The following ZSCAN4 variants were observed in gnomAD, a reference collection of about 807,000 sequenced individuals.
ZSCAN4 encodes the protein zinc finger and SCAN domain-containing protein 4.
A neutral mutation model predicts 18.3 loss-of-function variants in ZSCAN4; 18 were observed. That is an observed-to-expected ratio of 0.98 (90% CI 0.68 to 1.46). ZSCAN4 has a LOEUF of 1.46. Among genes scored for constraint, ZSCAN4 ranks in the 40% most tolerant of loss-of-function variants. ZSCAN4 has a pLI of 0.00. For missense variants in ZSCAN4, 498 were observed against 511.4 expected (o/e 0.97, Z 0.25); for synonymous variants, 193 against 180.3 (o/e 1.07, Z -0.57).
upstream of ZSCAN4, among the ~76,000 whole-genome samples, chr19:57,667,709 C>A (rs1983892514): frequency 6.6e-6 from 1 of 152,134 alleles, no homozygotes; most frequent in African/African-American, 2.4e-5. Context: ...ATCCAATAAC[C>A]TCCTCCAAAC....
the ZSCAN4 span, among the ~76,000 whole-genome samples, chr19:57,651,734 G>A: frequency 5.1e-4 from 77 of 152,238 alleles, no homozygotes; most frequent in African/African-American, 1.7e-3. Flanking sequence ...GCTCATCCCA[G>A]GTGAATTCCC....
At chr19:57,663,790 G>A in the ZSCAN4 span, among the ~76,000 whole-genome samples, 1 of 148,766 alleles carries the variant, frequency 6.7e-6, no homozygotes, top group African/African-American at 2.5e-5. Context: ...TTTAAATTTT[G>A]ATTTGTTTAA....
chr19:57,672,621 G>C (rs1294919106), intron 2 of ZSCAN4, among the ~76,000 whole-genome samples: 1 of 89,016 alleles, frequency 1.1e-5, no homozygotes. Flanking sequence ...TTTTTTTTTT[G>C]AGACAGAATC....
the ZSCAN4 span, among the ~76,000 whole-genome samples, chr19:57,656,117 T>C: frequency 6.6e-6 from 1 of 152,120 alleles, no homozygotes; most frequent in African/African-American, 2.4e-5. Flanking sequence ...GCATAGTAAA[T>C]GGCAAACTGA....
chr19:57,664,611 T>C, upstream of ZSCAN4: 1 of 176,764 alleles, frequency 5.7e-6, no homozygotes, highest in Admixed American at 5.8e-5. Context: ...CGGCTTCATC[T>C]GACTCCAGGG....
Position 57,676,557 on chromosome 19 carries a change from T to A in ZSCAN4, c.396+16T>A. ...ACCTGCCTTAGTGAGTACAGGGTTC[T>A]AACTTCTGGGATGAGAGACAAAGGA... On this transcript the variant is annotated intron_variant, in intron 3 of 4. Coordinates refer to ENST00000318203, the Ensembl canonical transcript of ZSCAN4. The A allele has an allele frequency of 6.3e-7, 1 of 1,584,690 alleles. No homozygotes were observed. Among genetic ancestry groups the A allele is most frequent in the Non-Finnish European group, 8.6e-7 (1 of 1,166,542 alleles).
chr19:57,658,174 G>A, the ZSCAN4 span, among the ~76,000 whole-genome samples: 385 of 152,080 alleles, frequency 2.5e-3, 4 homozygotes, highest in African/African-American at 8.6e-3. Flanking sequence ...TGTCAAGGAG[G>A]GAAAAAAACA....
exon 5 of ZSCAN4, chr19:57,678,373 C>T: frequency 6.2e-7 from 1 of 1,614,076 alleles, no homozygotes. Flanking sequence ...CAGGAAGGGT[C>T]CATAAATGGA....
the ZSCAN4 span, among the ~76,000 whole-genome samples, chr19:57,657,874 C>G: frequency 6.6e-6 from 1 of 152,102 alleles, no homozygotes; most frequent in Non-Finnish European, 1.5e-5. Context: ...TCACCTAATA[C>G]AGTGTAAATG....
At chr19:57,675,501 C>T (rs1402959338) in intron 2 of ZSCAN4, among the ~76,000 whole-genome samples, 11 of 152,104 alleles carry the variant, frequency 7.2e-5, no homozygotes, top group African/African-American at 1.9e-4. Flanking sequence ...AGGCTAGTCT[C>T]GAACTCCTGA....
the ZSCAN4 span, among the ~76,000 whole-genome samples, chr19:57,659,298 G>T: frequency 6.6e-6 from 1 of 152,110 alleles, no homozygotes; most frequent in African/African-American, 2.4e-5. Flanking sequence ...TATCAACTAA[G>T]TCTAAGTTCC....
chr19:57,675,439 C>T (rs1318667531), intron 2 of ZSCAN4, among the ~76,000 whole-genome samples: 2 of 152,042 alleles, frequency 1.3e-5, no homozygotes, highest in Non-Finnish European at 2.9e-5. Context: ...TGAGCAACCA[C>T]ACCCGGCAAG....
chr19:57,673,037 A>T (rs1984069936), intron 2 of ZSCAN4, among the ~76,000 whole-genome samples: 1 of 151,862 alleles, frequency 6.6e-6, no homozygotes, highest in Admixed American at 6.6e-5. Context: ...GGTGACATTT[A>T]ATTAATTAAT....
intron 2 of ZSCAN4, among the ~76,000 whole-genome samples, chr19:57,671,715 C>T (rs182545584): frequency 2.2e-4 from 33 of 152,246 alleles, no homozygotes; most frequent in Admixed American, 2.1e-3. Context: ...TGACTGGAAG[C>T]ATTATGACAA....
Position 57,676,368 on chromosome 19 carries a change from C to T in ZSCAN4, c.223C>T (p.Pro75Ser), listed in dbSNP as rs1220444308. 3.1e-6 allele frequency: 5 copies of T among 1,614,010 alleles called. No individual in the cohort carries two copies. In the African/African-American group the frequency reaches 6.7e-5, roughly 22 times the overall value. Residue 75 changes from proline to serine, a missense_variant, in exon 3 of 5, where the codon CCA (proline) becomes TCA (serine). By Grantham distance (74) the Pro-to-Ser change is moderately conservative. Transcript: ENST00000318203. ...TAGGATCTTTCACTCATGGCTGCAACCAGAAAAGCACAGCAAGGATGAAAT... is the reference window on the plus strand; with the variant it reads ...TAGGATCTTTCACTCATGGCTGCAATCAGAAAAGCACAGCAAGGATGAAAT...
the ZSCAN4 span, among the ~76,000 whole-genome samples, chr19:57,657,441 A>C: frequency 6.6e-6 from 1 of 152,246 alleles, no homozygotes; most frequent in African/African-American, 2.4e-5. Context: ...CTACATACTC[A>C]TTTTGATGAG....
exon 3 of ZSCAN4, chr19:57,676,130 A>G: frequency 1.9e-6 from 3 of 1,587,862 alleles, no homozygotes; most frequent in Non-Finnish European, 2.6e-6. Flanking sequence ...AGTCTCTCTG[A>G]GAATTATTGC....
the ZSCAN4 span, among the ~76,000 whole-genome samples, chr19:57,654,884 C>T: frequency 6.6e-6 from 1 of 152,172 alleles, no homozygotes; most frequent in Non-Finnish European, 1.5e-5. Context: ...CTTATTTGGA[C>T]AGGCCCTCAC....
chr19:57,669,426 GTT>G (rs561219896), intron 1 of ZSCAN4, among the ~76,000 whole-genome samples: 4 of 36,332 alleles, frequency 1.1e-4, no homozygotes, highest in East Asian at 9.4e-4. Context: ...TTTTGTGTGT[GTT>G]TGTTTGTTTG....
Sources: gnomAD v4.1 joint callset for allele counts (sites outside exome capture counted in the v4.1 genomes callset) on GRCh38, gnomAD v4.1.1 for gene constraint, MANE v1.5 for transcripts, NCBI Gene and HGNC (gene_info 2026-07-23, HGNC 2026-07-21) for gene names.